Variants in AFP observed in about 807,000 individuals in gnomAD.
AFP encodes the protein alpha-fetoprotein.
Under a neutral mutation model 78.9 loss-of-function variants are expected in AFP, and 64 were observed. The ratio of observed to expected loss-of-function variants is 0.81; its 90% CI spans 0.66 to 1.00. AFP has a LOEUF of 1.00. Among genes scored for constraint, AFP ranks in the 50% least tolerant of loss-of-function variants. AFP has a pLI of 0.00. For synonymous variants in AFP, 254 were observed against 243.8 expected, an observed-to-expected ratio of 1.04 and a Z score of -0.39; for missense variants, 689 against 703.8, an observed-to-expected ratio of 0.98 and a Z score of 0.24.
chr4:73,449,512 A>G, intron 9 of AFP, 45 bp downstream of exon 9: 1 of 1,607,362 alleles, frequency 6.2e-7, no homozygotes, highest in African/African-American at 1.3e-5. Context: ...AACTGGATTG[A>G]TATCATCTGT....
intron 7 of AFP, 106 bp downstream of exon 7, chr4:73,445,228 A>T (rs868825016): frequency 3.1e-5 from 42 of 1,372,860 alleles, no homozygotes; most frequent in Middle Eastern, 1.8e-4. Context: ...GTTACAGAGT[A>T]TGTAAACTAG....
rs1409162547 is a variant in AFP, at chr4:73,449,326, A to G, written c.1059-9A>G. 1.2e-6 allele frequency: 2 copies of G among 1,611,628 alleles called. No homozygotes were observed. On this transcript the variant is annotated splice_polypyrimidine_tract_variant and intron_variant, in intron 8 of 14. Transcript: ENST00000395792. ...AATAACTTGAAATATTTTTCTCCAC[A>G]TATTTCAGTTTTGTTCATGAATATT...
At chr4:73,440,978 T>C (rs1253208544) in intron 4 of AFP, among the ~76,000 whole-genome samples, 165 bp downstream of exon 4, 2 of 152,166 alleles carry the variant, frequency 1.3e-5, no homozygotes, top group South Asian at 4.1e-4. Context: ...AGAGCAACAT[T>C]CAATGTAACT....
chr4:73,439,888 G>T (rs1719610998), intron 3 of AFP, among the ~76,000 whole-genome samples: 1 of 152,108 alleles, frequency 6.6e-6, no homozygotes, highest in Middle Eastern at 3.4e-3. Context: ...AGGATGGCAT[G>T]TAAAATGAGC....
At chr4:73,441,124 T>G (rs1050858205) in intron 4 of AFP, among the ~76,000 whole-genome samples, 2 of 152,054 alleles carry the variant, frequency 1.3e-5, no homozygotes, top group African/African-American at 4.8e-5. Flanking sequence ...TGTTCAAGAA[T>G]ATATTAGTAT....
In AFP at chr4:73,456,108, G is replaced by C. The variant is rs1418600803; in HGVS notation, c.*488G>C. 1 of 155,102 alleles carries C rather than the reference G, an allele frequency of 6.4e-6. No homozygotes were observed. Among genetic ancestry groups the C allele is most frequent in the Non-Finnish European group, 1.4e-5 (1 of 70,256 alleles). 9.6% of individuals were successfully genotyped at this position (155,102 alleles called of 1,614,324 possible). The stretch of plus-strand genomic sequence containing the variant: ...AACATCTACTTTTTTTCTCAATCTT[G>C]TTCAGTTCTCTATTCACAGACATTT... On this transcript the variant is annotated 3_prime_UTR_variant, in exon 15 of 15. Transcript: ENST00000395792.
At chr4:73,441,484 C>T (rs1370360762) in intron 4 of AFP, among the ~76,000 whole-genome samples, 2 of 141,762 alleles carry the variant, frequency 1.4e-5, no homozygotes, top group African/African-American at 2.6e-5. Flanking sequence ...AGGAGAATGG[C>T]GTGAACCCTG....
At chr4:73,447,075 A>T (rs1577956109) in intron 7 of AFP, among the ~76,000 whole-genome samples, 1 of 152,036 alleles carries the variant, frequency 6.6e-6, no homozygotes, top group African/African-American at 2.4e-5. Flanking sequence ...TAGAGGAGGG[A>T]TTTGTGTAGC....
chr4:73,440,949 C>A, intron 4 of AFP, 136 bp downstream of exon 4: 5 of 863,076 alleles, frequency 5.8e-6, no homozygotes. Flanking sequence ...CTGCTGAGGT[C>A]CCAGACAAGG....
intron 3 of AFP, among the ~76,000 whole-genome samples, chr4:73,439,700 C>G (rs1212010134): frequency 6.6e-6 from 1 of 152,096 alleles, no homozygotes; most frequent in East Asian, 1.9e-4. Context: ...AATATTGATG[C>G]TGTCATCTGA....
chr4:73,448,664 C>A lies in AFP; in HGVS notation c.1059-671C>A, dbSNP rs932934392. The stretch of plus-strand genomic sequence containing the variant: ...TTACCTTTAAGTTTACACATCCATG[C>A]ACATCTAAATCTAATTGTTTAATAG... On this transcript the variant is annotated intron_variant, in intron 8 of 14. Transcript: ENST00000395792. Among the ~76,000 whole-genome samples the A allele has an allele frequency of 6.6e-5, 10 of 152,238 alleles. No homozygotes were observed. The East Asian group carries it at 1.9e-3, about 29-fold the overall frequency.
At chr4:73,451,655 G>A (rs2149336667) in intron 11 of AFP, among the ~76,000 whole-genome samples, 1 of 152,272 alleles carries the variant, frequency 6.6e-6, no homozygotes, top group East Asian at 1.9e-4. Context: ...TTCTTTAGTT[G>A]TATCACAGTG....
At chr4:73,450,556 A>G in intron 10 of AFP, 59 bp from the exon 11 acceptor site, 1 of 1,611,894 alleles carries the variant, frequency 6.2e-7, no homozygotes, top group Non-Finnish European at 8.5e-7. Flanking sequence ...AGAAGAAGCA[A>G]GGCGGCTAAA....
chr4:73,450,666 G>C lies in AFP; in HGVS notation c.1341G>C (p.Leu447=). The C allele has an allele frequency of 6.2e-7, 1 of 1,614,198 alleles. No individual in the cohort carries two copies. Among genetic ancestry groups the C allele is most frequent in the Non-Finnish European group, 8.5e-7 (1 of 1,180,020 alleles). The change falls in exon 11 of 15, where the codon CTG becomes CTC. Residue 447 remains leucine (L), a synonymous_variant. Transcript: ENST00000395792. The stretch of plus-strand genomic sequence containing the variant: ...CCCCCCAGCTGACCTCGTCGGAGCT[G>C]ATGGCCATCACCAGAAAAATGGCAG... ...KKAPQLTSSE[L]MAITRKMAAT... is the part of the protein sequence containing the mutation.
rs569339129 is a variant in AFP at position 73,444,844 on chromosome 4, C to T, written c.714-149C>T. 5.6e-4 allele frequency: 384 copies of T among 686,644 alleles called. 7 individuals are homozygous for T. The South Asian group carries it at 7.4e-3, about 13-fold the overall frequency. The allele number at this position is 686,644 out of a possible 1,614,324, so 42.5% of individuals were successfully genotyped here. A position where few individuals can be genotyped will look rare whatever the true frequency, so the allele number is the denominator to read the frequency against. ...CTTGAAAGATATGGCTGGAATCAAG[C>T]CTTAAAACATGTTTCCTTTTCTTTT... On this transcript the variant is annotated intron_variant, in intron 6 of 14. Transcript: ENST00000395792.
At chr4:73,442,473 A>T (rs757057221) in intron 5 of AFP, 45 bp downstream of exon 5, 3 of 1,605,254 alleles carry the variant, frequency 1.9e-6, no homozygotes, top group South Asian at 2.2e-5. Context: ...GTAGTCTATG[A>T]CTCATTAAAA....
At chr4:73,453,321 T>G (rs963500106) in intron 12 of AFP, among the ~76,000 whole-genome samples, 1 of 152,194 alleles carries the variant, frequency 6.6e-6, no homozygotes, top group Non-Finnish European at 1.5e-5. Context: ...ATTGCTCTGG[T>G]CTAAGTCCAA....
intron 7 of AFP, among the ~76,000 whole-genome samples, chr4:73,446,522 T>G (rs1012686117): frequency 6.6e-6 from 1 of 152,178 alleles, no homozygotes; most frequent in Non-Finnish European, 1.5e-5. Context: ...GCCACTTAGG[T>G]GCATTGCCAT....
At chr4:73,437,804 G>C (rs561172986) in intron 2 of AFP, among the ~76,000 whole-genome samples, 1 of 151,970 alleles carries the variant, frequency 6.6e-6, no homozygotes, top group East Asian at 1.9e-4. Flanking sequence ...GACACTGTTA[G>C]AGGTCTGTCT....
Sources: gnomAD v4.1 joint callset for allele counts (sites outside exome capture counted in the v4.1 genomes callset) on GRCh38, gnomAD v4.1.1 for gene constraint, MANE v1.5 for transcripts, NCBI Gene and HGNC (gene_info 2026-07-23, HGNC 2026-07-21) for gene names.